Variants in PRSS55 observed in about 807,000 individuals in gnomAD.
The protein encoded by PRSS55 is serine protease 55, also known as probable serine protease UNQ9391/PRO34284.
Under a neutral mutation model 23.6 loss-of-function variants are expected in PRSS55, and 41 were observed. The observed-to-expected ratio is 1.74, with a 90% confidence interval of 1.35 to 2.26. The LOEUF (loss-of-function observed/expected upper bound fraction) is 2.26. Among genes scored for constraint, PRSS55 ranks in the 30% most tolerant of loss-of-function variants. PRSS55 has a pLI of 0.00. For synonymous variants in PRSS55, 262 were observed against 175.5 expected, an observed-to-expected ratio of 1.49 and a Z score of -3.90; for missense variants, 669 against 439.1, an observed-to-expected ratio of 1.52 and a Z score of -4.68.
chr8:10,543,472 C>CTTTTCTTTTCTTTTCTTTTCT (rs57410388), downstream of PRSS55, among the ~76,000 whole-genome samples: 29 of 29,312 alleles, frequency 9.9e-4, no homozygotes, highest in Middle Eastern at 0.021. Flanking sequence ...TCCTTTCTTT[C>CTTTTCTTTTCTTTTCTTTTCT]TTTCTCTCTT....
intron 1 of PRSS55, among the ~76,000 whole-genome samples, chr8:10,528,042 C>G (rs1382642885): frequency 3.3e-5 from 5 of 152,048 alleles, no homozygotes; most frequent in South Asian, 2.1e-4. Context: ...CAGTGAAACC[C>G]TGTCTCTACT....
At chr8:10,533,933 G>C (rs757147262) in intron 4 of PRSS55, among the ~76,000 whole-genome samples, 1 of 152,170 alleles carries the variant, frequency 6.6e-6, no homozygotes, top group East Asian at 1.9e-4. Context: ...GCCTTGAGAG[G>C]TGGGTACTGA....
chr8:10,529,814 G>T lies in PRSS55; in HGVS notation c.347+115G>T. The T allele has an allele frequency of 2.9e-6, 3 of 1,026,720 alleles. No individual in the cohort carries two copies. In the South Asian group the frequency reaches 4.5e-5, roughly 15 times the overall value. The allele number at this position is 1,026,720 out of a possible 1,614,324, so 63.6% of individuals were successfully genotyped here. On this transcript the variant is annotated intron_variant, in intron 2 of 4. Transcript: ENST00000328655. ...ACCTGCGACTGCTCGGTATCCAGTC[G>T]GCATGAATGGCTCCCACCCATCCAC...
downstream of PRSS55, among the ~76,000 whole-genome samples, chr8:10,540,045 G>T (rs78633429): frequency 6.6e-6 from 1 of 152,116 alleles, no homozygotes; most frequent in Non-Finnish European, 1.5e-5. Context: ...TTCATGTTCA[G>T]AGGCTCTCGC....
In PRSS55 at chr8:10,529,558, C is replaced by G; in HGVS notation, c.206C>G (p.Thr69Arg). 2 of 1,614,160 alleles carry G rather than the reference C, an allele frequency of 1.2e-6. No homozygotes were observed. Among genetic ancestry groups the G allele is most frequent in the Admixed American group, 1.7e-5 (1 of 60,032 alleles). ...FEGRTRYSRI[T>R]GGMEAEVGEF... The stretch of plus-strand genomic sequence containing the variant: ...GGAAGAACTCGGTATTCCAGAATCA[C>G]AGGGGGGATGGAGGCGGAGGTGGGT... Residue 69 changes from threonine to arginine, a missense_variant, in exon 2 of 5, where the codon ACA becomes AGA. By Grantham distance (71) the Thr-to-Arg change is moderately conservative (BLOSUM62 -1). Coordinates refer to ENST00000328655, the MANE Select transcript of PRSS55 (RefSeq NM_198464.4).
At chr8:10,541,069 G>A (rs1812642114), downstream of PRSS55, 1 of 152,618 alleles carries the variant, frequency 6.6e-6, no homozygotes, top group African/African-American at 2.4e-5. Context: ...TTTGGCCACA[G>A]GGATGGGAGC....
At chr8:10,527,987 C>A (rs1427296322) in intron 1 of PRSS55, among the ~76,000 whole-genome samples, 1 of 152,122 alleles carries the variant, frequency 6.6e-6, no homozygotes, top group Non-Finnish European at 1.5e-5. Context: ...CCGAGGCGGG[C>A]AGATCATCTG....
downstream of PRSS55, among the ~76,000 whole-genome samples, chr8:10,543,294 C>T (rs183661126): frequency 3.0e-3 from 453 of 152,152 alleles, 2 homozygotes; most frequent in Non-Finnish European, 4.7e-3. Flanking sequence ...GGGCCCCATG[C>T]GGAAGTGACT....
intron 1 of PRSS55, among the ~76,000 whole-genome samples, chr8:10,528,147 C>A (rs1194879684): frequency 6.7e-6 from 1 of 148,650 alleles, no homozygotes; most frequent in African/African-American, 2.5e-5. Flanking sequence ...TGCAGTGAGC[C>A]GAGATGGTGC....
At chr8:10,554,141 A>G in exon 5 of PRSS55, 1 of 596,374 alleles carries the variant, frequency 1.7e-6, no homozygotes, top group Non-Finnish European at 2.7e-6. Context: ...AAATGACTGA[A>G]AAAATGAATA....
intron 1 of PRSS55, among the ~76,000 whole-genome samples, chr8:10,526,161 T>G (rs1812015319): frequency 6.6e-6 from 1 of 152,148 alleles, no homozygotes; most frequent in Non-Finnish European, 1.5e-5. Flanking sequence ...AGCTCCCTGA[T>G]GGCTCATTTC....
chr8:10,547,524 C>A (rs946134485), intron 4 of PRSS55: 1 of 153,098 alleles, frequency 6.5e-6, no homozygotes, highest in Non-Finnish European at 1.5e-5. Context: ...TCCTGCCTTC[C>A]TCTTTCTGAC....
intron 4 of PRSS55, chr8:10,553,887 T>C (rs1585901264): frequency 4.1e-6 from 5 of 1,213,904 alleles, no homozygotes; most frequent in Non-Finnish European, 5.7e-6. Context: ...AGCACCACAT[T>C]GTACAATAAA....
chr8:10,538,792 G>A lies in PRSS55; in HGVS notation c.1058G>A (p.Ter353=), dbSNP rs112308687. Residue 353 remains the stop codon, a stop_retained_variant, in exon 5 of 5, where the codon TGA becomes TAA. Transcript: ENST00000328655. The part of the protein sequence containing the change: ...SHVLFRAILY[*] Reference sequence around the variant, plus strand: ...GTGTTGTTCAGAGCTATTTTGTACTGATAATAAAATAGAGGCTATTCTTTC... The same window carrying A: ...GTGTTGTTCAGAGCTATTTTGTACTAATAATAAAATAGAGGCTATTCTTTC... 5 of 1,550,930 alleles carry A rather than the reference G, an allele frequency of 3.2e-6. No individual in the cohort carries two copies. The highest frequency in any genetic ancestry group is 4.3e-6 in the Non-Finnish European group (5 of 1,152,106).
At chr8:10,543,607 T>C (rs1376028977), downstream of PRSS55, among the ~76,000 whole-genome samples, 1 of 151,718 alleles carries the variant, frequency 6.6e-6, no homozygotes, top group Non-Finnish European at 1.5e-5. Context: ...TCTAGTATTC[T>C]CTGTTCTAAT....
At chr8:10,526,565 C>A (rs1378270834) in intron 1 of PRSS55, among the ~76,000 whole-genome samples, 1 of 152,236 alleles carries the variant, frequency 6.6e-6, no homozygotes, top group Non-Finnish European at 1.5e-5. Context: ...TCGCTCAGAT[C>A]ACTTAGAAGC....
intron 4 of PRSS55, among the ~76,000 whole-genome samples, chr8:10,546,003 T>A (rs1279411567): frequency 6.6e-6 from 1 of 152,130 alleles, no homozygotes; most frequent in Non-Finnish European, 1.5e-5. Context: ...GAGGCTCAGA[T>A]GCTGCGTGAG....
Position 10,531,514 on chromosome 8 carries a change from C to G in PRSS55, c.567C>G (p.Cys189Trp), listed in dbSNP as rs547973389. 1.1e-5 allele frequency: 17 copies of G among 1,613,846 alleles called. No homozygotes were observed. The South Asian group carries it at 1.9e-4, about 18-fold the overall frequency. ...CCGGCCCTGCCACATGGCGCGAATGCTGGGTGGCAGGTTGGGGCCAGACCA... is the reference window on the plus strand; with the variant it reads ...CCGGCCCTGCCACATGGCGCGAATGGTGGGTGGCAGGTTGGGGCCAGACCA... ...TQPGPATWRE[C>W]WVAGWGQTNA... Residue 189 changes from cysteine to tryptophan, a missense_variant, in exon 3 of 5, where the codon TGC becomes TGG. Physicochemically the swap from Cys to Trp is radical, Grantham distance 215. Coordinates refer to ENST00000328655, the MANE Select transcript of PRSS55 (RefSeq NM_198464.4).
At chr8:10,542,518 G>A (rs561201189), downstream of PRSS55, among the ~76,000 whole-genome samples, 1 of 151,914 alleles carries the variant, frequency 6.6e-6, no homozygotes, top group Non-Finnish European at 1.5e-5. Context: ...AAGAATAAAG[G>A]GTGAGTTTTT....
Sources: gnomAD v4.1 joint callset for allele counts (sites outside exome capture counted in the v4.1 genomes callset) on GRCh38, gnomAD v4.1.1 for gene constraint, MANE v1.5 for transcripts, NCBI Gene and HGNC (gene_info 2026-07-23, HGNC 2026-07-21) for gene names.